The following PARP15 variants were observed in gnomAD, a reference collection of about 807,000 sequenced individuals.
PARP15 encodes the protein poly(ADP-ribose) polymerase family member 15.
PARP15 carries 50 observed loss-of-function variants against 62.1 expected under a neutral mutation model. The observed-to-expected ratio is 0.81, with a 90% CI of 0.64 to 1.02. The LOEUF is 1.02. Among genes scored for constraint, PARP15 ranks in the 50% least tolerant of loss-of-function variants. PARP15 has a pLI of 0.00. For synonymous variants in PARP15, 309 were observed against 293.1 expected, an observed-to-expected ratio of 1.05 and a Z score of -0.55; for missense variants, 820 against 826.5, an observed-to-expected ratio of 0.99 and a Z score of 0.10.
chr3:122,615,048 A>G, intron 4 of PARP15: 4 of 956,172 alleles, frequency 4.2e-6, no homozygotes, highest in Non-Finnish European at 4.9e-6. Context: ...AAAAAAAAAG[A>G]AAAGAAAAGA....
intron 7 of PARP15, 168 bp from the exon 8 acceptor site, chr3:122,621,276 T>C (rs1309368553): frequency 3.1e-6 from 2 of 655,150 alleles, no homozygotes; most frequent in Admixed American, 3.2e-5. Context: ...GAATTCTGAT[T>C]GTAAAGAAAA....
At chr3:122,584,141 A>T (rs551769197) in intron 1 of PARP15, among the ~76,000 whole-genome samples, 1 of 152,338 alleles carries the variant, frequency 6.6e-6, no homozygotes, top group South Asian at 2.1e-4. Context: ...CTCAAAAAAT[A>T]TTTTAGATAT....
intron 1 of PARP15, among the ~76,000 whole-genome samples, chr3:122,590,528 C>A (rs1933822115): frequency 6.6e-6 from 1 of 152,170 alleles, no homozygotes; most frequent in African/African-American, 2.4e-5. Context: ...CCTGCCTCGG[C>A]CTCCCAAAGT....
chr3:122,637,367 T>G lies in PARP15; in HGVS notation c.*1267T>G, dbSNP rs1454414872. 1 of 152,160 alleles carries G rather than the reference T, an allele frequency of 6.6e-6. No individual in the cohort carries two copies. Among genetic ancestry groups the G allele is most frequent in the African/African-American group, 2.4e-5 (1 of 41,414 alleles). 9.4% of individuals were successfully genotyped at this position (152,160 alleles called of 1,614,324 possible). On this transcript the variant is annotated 3_prime_UTR_variant, in exon 12 of 12. Coordinates refer to ENST00000464300, the MANE Select transcript of PARP15 (RefSeq NM_001113523.3). The stretch of plus-strand genomic sequence containing the variant: ...TAGTGGAAAACTCTTTTTCAAAAGT[T>G]GAAATCAGTTCCTCTGTGTCTATTA...
intron 1 of PARP15, among the ~76,000 whole-genome samples, chr3:122,582,852 T>G (rs1462404579): frequency 6.6e-6 from 1 of 152,174 alleles, no homozygotes; most frequent in Non-Finnish European, 1.5e-5. Flanking sequence ...CTGCATAGTT[T>G]CCATTGCTGT....
At chr3:122,619,479 C>T (rs1204680390) in intron 6 of PARP15, among the ~76,000 whole-genome samples, 1 of 152,080 alleles carries the variant, frequency 6.6e-6, no homozygotes, top group Admixed American at 6.6e-5. Flanking sequence ...TTCGTTTTTA[C>T]AAAATAATAA....
chr3:122,636,374 T>A lies in PARP15; in HGVS notation c.*274T>A, dbSNP rs1176672130. The A allele has an allele frequency of 9.4e-5, 35 of 371,358 alleles. No homozygotes were observed. The highest frequency in any genetic ancestry group is 2.9e-5 in the Non-Finnish European group (6 of 203,522). 23.0% of individuals were successfully genotyped at this position (371,358 alleles called of 1,614,324 possible). Reference sequence around the variant, plus strand: ...AATCTCTAGGAGAATAAAAAGCACATTATTCTTTTTCTATCAGAAAAAAAC... The same window carrying A: ...AATCTCTAGGAGAATAAAAAGCACAATATTCTTTTTCTATCAGAAAAAAAC... On this transcript the variant is annotated 3_prime_UTR_variant, in exon 12 of 12. Transcript: ENST00000464300.
intron 1 of PARP15, among the ~76,000 whole-genome samples, chr3:122,597,560 CT>C (rs1298144999): frequency 1.1e-4 from 16 of 151,190 alleles, no homozygotes; most frequent in South Asian, 8.4e-4. Context: ...CCGCGCCCAG[CT>C]TTTTTTTTCT....
At chr3:122,612,523 G>A (rs1387924095) in intron 3 of PARP15, among the ~76,000 whole-genome samples, 1 of 151,662 alleles carries the variant, frequency 6.6e-6, no homozygotes, top group African/African-American at 2.4e-5. Flanking sequence ...TGCAAGCTCC[G>A]CCTGCCAGGT....
rs1933944192 is a variant in PARP15, at chr3:122,591,774, A to C, written c.186+13921A>C. On this transcript the variant is annotated intron_variant, in intron 1 of 11. Transcript: ENST00000464300. ...AGCGAGACTCTGTCTCAAAAAAAAA[A>C]AAAAAAAGGTATTGATAAGACAGAC... Among the ~76,000 whole-genome samples, 3 of 151,672 alleles carry C rather than the reference A, an allele frequency of 2.0e-5. No individual in the cohort carries two copies. The South Asian group carries it at 6.3e-4, about 32-fold the overall frequency.
intron 1 of PARP15, among the ~76,000 whole-genome samples, chr3:122,590,564 G>A (rs571811355): frequency 4.6e-5 from 7 of 152,286 alleles, no homozygotes; most frequent in Admixed American, 4.6e-4. Context: ...GTGAGCCACC[G>A]TGCCCAGCCC....
At chr3:122,620,482 T>C (rs1054969902) in intron 7 of PARP15, among the ~76,000 whole-genome samples, 5 of 152,192 alleles carry the variant, frequency 3.3e-5, no homozygotes, top group African/African-American at 1.2e-4. Flanking sequence ...TGTTTGACAA[T>C]GTATTCCCAC....
chr3:122,587,468 A>G (rs1158629732), intron 1 of PARP15, among the ~76,000 whole-genome samples: 2 of 152,140 alleles, frequency 1.3e-5, no homozygotes, highest in African/African-American at 2.4e-5. Context: ...GGTGTTGCCA[A>G]TGTTCTGGAT....
chr3:122,578,972 C>T (rs1576465189), intron 1 of PARP15, among the ~76,000 whole-genome samples: 2 of 152,118 alleles, frequency 1.3e-5, no homozygotes, highest in African/African-American at 4.8e-5. Context: ...GAAAATTTGC[C>T]TCCAAATTTT....
rs895297269 is a variant in PARP15 at position 122,615,366 on chromosome 3, A to T, written c.772-413A>T. On this transcript the variant is annotated intron_variant, in intron 4 of 11. Coordinates refer to ENST00000464300, the MANE Select transcript of PARP15 (RefSeq NM_001113523.3). Reference sequence around the variant, plus strand: ...AACCCCAGAATGTACCTAACAGCCAAAGATGCCAAGGAACGTTGTTGCCCT... The same window carrying T: ...AACCCCAGAATGTACCTAACAGCCATAGATGCCAAGGAACGTTGTTGCCCT... 2.2e-5 allele frequency: 28 copies of T among 1,294,918 alleles called. No homozygotes were observed. In the African/African-American group the frequency reaches 3.9e-4, roughly 18 times the overall value. The allele number at this position is 1,294,918 out of a possible 1,614,324, so 80.2% of individuals were successfully genotyped here.
At chr3:122,607,699 C>T (rs1372565279) in intron 2 of PARP15, among the ~76,000 whole-genome samples, 2 of 152,110 alleles carry the variant, frequency 1.3e-5, no homozygotes, top group African/African-American at 4.8e-5. Flanking sequence ...TTATAAATTT[C>T]GTGTCAACTC....
chr3:122,592,053 C>G (rs553202171), intron 1 of PARP15, among the ~76,000 whole-genome samples: 2 of 152,200 alleles, frequency 1.3e-5, no homozygotes, highest in African/African-American at 4.8e-5. Context: ...AGATCTAGAA[C>G]CAGAAATACC....
chr3:122,601,615 TAGTGCTAA>T (rs1408288132), intron 1 of PARP15, among the ~76,000 whole-genome samples: 6 of 152,234 alleles, frequency 3.9e-5, no homozygotes, highest in Admixed American at 6.5e-5. Context: ...TTTTTCTTTT[TAGTGCTAA>T]ATAATATTCT....
Position 122,637,389 on chromosome 3 carries a change from A to G in PARP15, c.*1289A>G, listed in dbSNP as rs767031217. 2.6e-5 allele frequency: 4 copies of G among 152,128 alleles called. No individual in the cohort carries two copies. The highest frequency in any genetic ancestry group is 2.6e-4 in the Admixed American group (4 of 15,270). 9.4% of individuals were successfully genotyped at this position (152,128 alleles called of 1,614,324 possible). A position where few individuals can be genotyped will look rare whatever the true frequency, so the allele number is the denominator to read the frequency against. The stretch of plus-strand genomic sequence containing the variant: ...AGTTGAAATCAGTTCCTCTGTGTCT[A>G]TTACCTGCTGATCACTGTCCAGACT... On this transcript the variant is annotated 3_prime_UTR_variant, in exon 12 of 12. Transcript: ENST00000464300.
Sources: allele counts gnomAD v4.1 joint callset (sites outside exome capture counted in the v4.1 genomes callset), GRCh38; gene constraint gnomAD v4.1.1; transcripts MANE v1.5; gene names NCBI Gene and HGNC (gene_info 2026-07-23, HGNC 2026-07-21).